The following UNC13A variants were observed in gnomAD, a reference collection of about 807,000 sequenced individuals.
UNC13A encodes protein unc-13 homolog A.
In UNC13A, 61 loss-of-function variants were observed where a neutral mutation model predicts 219.7. That is an observed-to-expected ratio of 0.28 (90% confidence interval 0.23 to 0.34). The LOEUF (loss-of-function observed/expected upper bound fraction) is 0.34. UNC13A is among the 10% of genes least tolerant of loss of function. The probability of loss-of-function intolerance (pLI) is 1.00; values close to 1 mark genes in which losing one functional copy is unlikely to be tolerated. For missense variants in UNC13A, 1,476 were observed against 2,270.3 expected, an observed-to-expected ratio of 0.65 and a Z score of 7.11; for synonymous variants, 920 against 884.6, an observed-to-expected ratio of 1.04 and a Z score of -0.71.
chr19:17,655,810 T>G lies in UNC13A; in HGVS notation c.1283+73A>C, dbSNP rs112924067. 2,010 of 1,446,698 alleles carry G rather than the reference T, an allele frequency of 1.4e-3. 19 individuals are homozygous for G. In the African/African-American group the frequency reaches 0.024, roughly 17 times the overall value. 89.6% of individuals were successfully genotyped at this position (1,446,698 alleles called of 1,614,324 possible). On this transcript the variant is annotated intron_variant, in intron 10 of 43. Coordinates refer to ENST00000519716, the MANE Select transcript of UNC13A (RefSeq NM_001080421.3). Reference sequence around the variant, plus strand: ...CCCCAGCAACTTCCCAGGTCCACGCTGACCCCATCATAGCCCTGCTGACCC... The same window carrying G: ...CCCCAGCAACTTCCCAGGTCCACGCGGACCCCATCATAGCCCTGCTGACCC...
chr19:17,637,662 GAACTA>G (rs2076926904), intron 25 of UNC13A, among the ~76,000 whole-genome samples: 1 of 152,150 alleles, frequency 6.6e-6, no homozygotes, highest in Admixed American at 6.6e-5. Context: ...GATTATGGTT[GAACTA>G]AACAATCTAA....
At chr19:17,639,947 G>A in intron 22 of UNC13A, 39 bp from the exon 23 acceptor site, 4 of 1,603,986 alleles carry the variant, frequency 2.5e-6, no homozygotes, top group Non-Finnish European at 3.4e-6. Flanking sequence ...GATGGAGGCA[G>A]GACATGGCCG....
intron 37 of UNC13A, among the ~76,000 whole-genome samples, 177 bp from the exon 38 acceptor site, chr19:17,620,899 G>A (rs1323743506): frequency 6.6e-6 from 1 of 151,972 alleles, no homozygotes; most frequent in African/African-American, 2.4e-5. Context: ...TCCCCTAGCA[G>A]GGGTTTAGAG....
At chr19:17,623,341 G>A in intron 36 of UNC13A, 1 of 507,164 alleles carries the variant, frequency 2.0e-6, no homozygotes, top group South Asian at 2.7e-5. Context: ...CAGGGAGGGT[G>A]GGCGTGGTCT....
chr19:17,652,556 T>G, intron 12 of UNC13A, 75 bp downstream of exon 12: 3 of 1,596,302 alleles, frequency 1.9e-6, no homozygotes, highest in Non-Finnish European at 2.6e-6. Context: ...CTCTCTGGGC[T>G]GAGGCTCAGG....
intron 8 of UNC13A, among the ~76,000 whole-genome samples, chr19:17,660,972 A>G (rs1350204062): frequency 6.6e-6 from 1 of 151,572 alleles, no homozygotes; most frequent in Non-Finnish European, 1.5e-5. Context: ...AGGGTCTCAC[A>G]CTGTTGCCTA....
chr19:17,629,999 T>C, intron 30 of UNC13A, 146 bp downstream of exon 30: 1 of 952,432 alleles, frequency 1.0e-6, no homozygotes. Context: ...AACTCCAACC[T>C]CAACCCAAAC....
At chr19:17,673,947 G>A (rs2079845649) in intron 3 of UNC13A, among the ~76,000 whole-genome samples, 1 of 152,124 alleles carries the variant, frequency 6.6e-6, no homozygotes, top group Non-Finnish European at 1.5e-5. Context: ...GGAGGTGGAG[G>A]TTGAAGTGAG....
In UNC13A at chr19:17,649,445, A is replaced by G. The variant is rs1477778404; in HGVS notation, c.1518+64T>C. ...CCCCAGGTTGACCATGGGCAGTTCC[A>G]CAGGTTGTGCACTGCTTATAGCAGG... is the stretch of plus-strand genomic sequence containing the variant. On this transcript the variant is annotated intron_variant, in intron 13 of 43. Coordinates refer to ENST00000519716, the MANE Select transcript of UNC13A (RefSeq NM_001080421.3). This position sits in a 1 kb window ranked among gnomAD's most constrained non-coding sequence, Gnocchi z 4.4. 6.2e-7 allele frequency: 1 copy of G among 1,613,268 alleles called. No homozygotes were observed. The highest frequency in any genetic ancestry group is 8.5e-7 in the Non-Finnish European group (1 of 1,179,412).
intron 3 of UNC13A, among the ~76,000 whole-genome samples, chr19:17,673,591 G>A (rs1273243230): frequency 6.6e-6 from 1 of 151,582 alleles, no homozygotes; most frequent in Non-Finnish European, 1.5e-5. Flanking sequence ...TACTCGGGAG[G>A]CTAAGGCAGG....
chr19:17,676,315 G>A, intron 1 of UNC13A: 1 of 587,148 alleles, frequency 1.7e-6, no homozygotes, highest in South Asian at 1.8e-5. Flanking sequence ...ATGAGCACAG[G>A]CAACCCTAGA....
At chr19:17,659,509 T>C (rs1203955585) in intron 8 of UNC13A, among the ~76,000 whole-genome samples, 1 of 152,172 alleles carries the variant, frequency 6.6e-6, no homozygotes, top group African/African-American at 2.4e-5. Context: ...GGCTCATGCC[T>C]GTAATCCCAG....
rs2079299912 is a variant in UNC13A at position 17,649,261 on chromosome 19, A to T, written c.1524+78T>A. On this transcript the variant is annotated intron_variant, in intron 14 of 43. Transcript: ENST00000519716. The surrounding 1 kb of genome is among the most constrained non-coding windows in gnomAD (Gnocchi z 4.4). ...TGGCAAGGTTCCCCCATAATCCATGAATTGGGGGCCTGTTAGAAGATCCCA... is the reference window on the plus strand; with the variant it reads ...TGGCAAGGTTCCCCCATAATCCATGTATTGGGGGCCTGTTAGAAGATCCCA... 1.8e-5 allele frequency: 27 copies of T among 1,534,986 alleles called. No homozygotes were observed. The highest frequency in any genetic ancestry group is 2.4e-5 in the Non-Finnish European group (27 of 1,144,172).
intron 8 of UNC13A, among the ~76,000 whole-genome samples, chr19:17,662,216 A>T (rs2079562904): frequency 6.6e-6 from 1 of 151,836 alleles, no homozygotes; most frequent in African/African-American, 2.4e-5. Flanking sequence ...TACTCCATCC[A>T]GCCTGGGCAA....
chr19:17,634,361 C>T (rs558488814), intron 26 of UNC13A, among the ~76,000 whole-genome samples: 23 of 152,098 alleles, frequency 1.5e-4, no homozygotes, highest in Non-Finnish European at 3.1e-4. Context: ...TATTTAGAGA[C>T]GGAGTCTCAC....
At chr19:17,634,516 T>A (rs2145018182) in intron 26 of UNC13A, among the ~76,000 whole-genome samples, 1 of 152,092 alleles carries the variant, frequency 6.6e-6, no homozygotes, top group Non-Finnish European at 1.5e-5. Flanking sequence ...TTTTTTATAT[T>A]TTTAGTAGAG....
At position 17,648,903 on chromosome 19, in the gene UNC13A, C is replaced by T; in HGVS notation, c.1596+9G>A. ...CCCTGACCCGGGGAAAAAGAGGTGC[C>T]CCACGCACCAGCTCCTCGTTGTTCA... On this transcript the variant is annotated intron_variant, in intron 15 of 43. Transcript: ENST00000519716. The T allele has an allele frequency of 6.3e-7, 1 of 1,586,494 alleles. No individual in the cohort carries two copies. Among genetic ancestry groups the T allele is most frequent in the Non-Finnish European group, 8.6e-7 (1 of 1,167,206 alleles).
chr19:17,631,171 CTCCCTCCT>C (rs2076844609), intron 28 of UNC13A, among the ~76,000 whole-genome samples: 1 of 24,076 alleles, frequency 4.2e-5, no homozygotes, highest in Non-Finnish European at 1.1e-4. Context: ...CCCTCCCTCC[CTCCCTCCT>C]TTCCTTCCTT....
chr19:17,639,873 A>G lies in UNC13A; in HGVS notation c.2823T>C (p.His941=). ...TGGAGAGGTCAATCCGCAGGGAGTTATGCAGCTGGTCCAGGAGTTTCACGA... is the reference window on the plus strand; with the variant it reads ...TGGAGAGGTCAATCCGCAGGGAGTTGTGCAGCTGGTCCAGGAGTTTCACGA... The part of the protein sequence containing the change: ...ERFVKLLDQL[H]NSLRIDLSMY... Residue 941 remains histidine, a synonymous_variant, in exon 23 of 44, where the codon CAT becomes CAC. Coordinates refer to ENST00000519716, the MANE Select transcript of UNC13A (RefSeq NM_001080421.3). 2 of 1,613,790 alleles carry G rather than the reference A, an allele frequency of 1.2e-6. No individual in the cohort carries two copies. The highest frequency in any genetic ancestry group is 8.5e-7 in the Non-Finnish European group (1 of 1,179,812).
Sources: allele counts gnomAD v4.1 joint callset (sites outside exome capture counted in the v4.1 genomes callset), GRCh38; gene constraint gnomAD v4.1.1; non-coding constraint Gnocchi (gnomAD v3.1); transcripts MANE v1.5; gene names NCBI Gene and HGNC (gene_info 2026-07-23, HGNC 2026-07-21).